The following CTNNA3 variants were observed in gnomAD, a reference collection of about 807,000 sequenced individuals.
CTNNA3 encodes catenin alpha-3.
In CTNNA3, 76 loss-of-function variants were observed where a neutral mutation model predicts 95.7. The observed-to-expected ratio is 0.79, with a 90% confidence interval of 0.66 to 0.96. CTNNA3 has a LOEUF of 0.96. Ranked by LOEUF, CTNNA3 falls within the 40% of genes least tolerant of loss-of-function variation. CTNNA3 has a pLI of 0.00. For missense variants in CTNNA3, 1,191 were observed against 1,089.8 expected (o/e 1.09, Z -1.31); for synonymous variants, 431 against 374.4 (o/e 1.15, Z -1.74).
chr10:67,154,269 T>C (rs1159120297), intron 7 of CTNNA3, among the ~76,000 whole-genome samples: 1 of 152,180 alleles, frequency 6.6e-6, no homozygotes, highest in Non-Finnish European at 1.5e-5. Flanking sequence ...TTACTTTTCA[T>C]CTTAAAATAT....
chr10:66,463,913 G>A lies in CTNNA3; in HGVS notation c.1531+56704C>T, dbSNP rs1016156596. ...TTTTTTTTTTTTTTTACAAATAAGCGTAAGAAAGAAACAAGTTTCAAAGAC... is the reference window on the plus strand; with the variant it reads ...TTTTTTTTTTTTTTTACAAATAAGCATAAGAAAGAAACAAGTTTCAAAGAC... On this transcript the variant is annotated intron_variant, in intron 11 of 17. Transcript: ENST00000433211. 6.7e-5 allele frequency among the ~76,000 whole-genome samples: 10 copies of A among 149,954 alleles called. 1 individual carries two copies. The highest frequency in any genetic ancestry group is 1.3e-4 in the Non-Finnish European group (9 of 67,768).
At chr10:67,388,766 A>G (rs1457663685) in intron 5 of CTNNA3, among the ~76,000 whole-genome samples, 2 of 152,146 alleles carry the variant, frequency 1.3e-5, no homozygotes, top group African/African-American at 4.8e-5. Context: ...CAACATTCTT[A>G]AAGAAAAGAA....
At chr10:66,039,850 C>T (rs10996843) in intron 15 of CTNNA3, among the ~76,000 whole-genome samples, 38,170 of 151,936 alleles carry the variant, frequency 0.25, 4,914 homozygotes, top group South Asian at 0.32. Context: ...ACATCAAAAG[C>T]AATTGCGACA....
chr10:66,688,697 C>G (rs1405333270), intron 9 of CTNNA3, among the ~76,000 whole-genome samples: 1 of 152,024 alleles, frequency 6.6e-6, no homozygotes. Context: ...ACCGGCCGGG[C>G]GCGGTGGCTC....
chr10:67,332,910 C>T (rs536761881), intron 5 of CTNNA3, among the ~76,000 whole-genome samples: 1 of 152,210 alleles, frequency 6.6e-6, no homozygotes, highest in African/African-American at 2.4e-5. Flanking sequence ...CCCCTGCATT[C>T]TTTATATGAC....
chr10:66,095,536 T>A (rs2081357583), intron 14 of CTNNA3, among the ~76,000 whole-genome samples: 2 of 152,100 alleles, frequency 1.3e-5, no homozygotes, highest in African/African-American at 4.8e-5. Context: ...TGAGAGTATA[T>A]ACTGATAATA....
chr10:66,780,878 T>C (rs1306245501), intron 7 of CTNNA3, among the ~76,000 whole-genome samples: 1 of 152,192 alleles, frequency 6.6e-6, no homozygotes, highest in Non-Finnish European at 1.5e-5. Flanking sequence ...CTAAATTGTT[T>C]CTATATTCCT....
At chr10:67,101,286 T>C (rs561550961) in intron 7 of CTNNA3, among the ~76,000 whole-genome samples, 74 of 151,816 alleles carry the variant, frequency 4.9e-4, no homozygotes, top group Non-Finnish European at 6.9e-4. Context: ...AGATCCATAG[T>C]ACAGGGTTGA....
intron 5 of CTNNA3, among the ~76,000 whole-genome samples, chr10:67,317,729 C>T (rs895243930): frequency 2.6e-5 from 4 of 151,934 alleles, no homozygotes; most frequent in South Asian, 2.1e-4. Flanking sequence ...TGGCCATCAT[C>T]GGGGGTTTTA....
At position 66,257,136 on chromosome 10, in the gene CTNNA3, A is replaced by T. The variant is rs569277797; in HGVS notation, c.1884+23334T>A. Among the ~76,000 whole-genome samples the T allele has an allele frequency of 3.9e-5, 6 of 152,278 alleles. No homozygotes were observed. The South Asian group carries it at 1.0e-3, about 26-fold the overall frequency. On this transcript the variant is annotated intron_variant, in intron 13 of 17. Coordinates refer to ENST00000433211, the MANE Select transcript of CTNNA3 (RefSeq NM_013266.4). ...TCCTGGATTATAATCAAGCCTCTGAAATTCATCCTCTAGATGACTGATGGG... is the reference window on the plus strand; with the variant it reads ...TCCTGGATTATAATCAAGCCTCTGATATTCATCCTCTAGATGACTGATGGG...
intron 13 of CTNNA3, among the ~76,000 whole-genome samples, chr10:66,195,923 T>C (rs2086933926): frequency 6.6e-6 from 1 of 152,162 alleles, no homozygotes; most frequent in Admixed American, 6.6e-5. Context: ...CTGCCATTTG[T>C]GTGTAAAAAT....
In CTNNA3 at chr10:67,602,234, T is replaced by A. The variant is rs10997750; in HGVS notation, c.292+4623A>T. On this transcript the variant is annotated intron_variant, in intron 3 of 17. Transcript: ENST00000433211. ...AAAGCAGGAAACTACTTAAAATATGTTTCAAGTATTTTGTAGAGTTTATTG... is the reference window on the plus strand; with the variant it reads ...AAAGCAGGAAACTACTTAAAATATGATTCAAGTATTTTGTAGAGTTTATTG... Among the ~76,000 whole-genome samples, 636 of 152,088 alleles carry A rather than the reference T, an allele frequency of 4.2e-3. 3 individuals carry two copies. The highest frequency in any genetic ancestry group is 0.015 in the African/African-American group (610 of 41,504).
At chr10:66,682,856 C>A (rs1034257698) in intron 9 of CTNNA3, among the ~76,000 whole-genome samples, 9 of 152,080 alleles carry the variant, frequency 5.9e-5, no homozygotes, top group African/African-American at 1.7e-4. Flanking sequence ...TGAGGGCCAA[C>A]AAGCATTTGC....
At chr10:66,694,785 G>T (rs764511664) in intron 9 of CTNNA3, among the ~76,000 whole-genome samples, 1 of 152,154 alleles carries the variant, frequency 6.6e-6, no homozygotes, top group Non-Finnish European at 1.5e-5. Context: ...CACAATGGCA[G>T]CTGAGAACAA....
chr10:66,863,394 G>GGAGA (rs1369751026), intron 7 of CTNNA3, among the ~76,000 whole-genome samples: 1 of 151,976 alleles, frequency 6.6e-6, no homozygotes, highest in African/African-American at 2.4e-5. Context: ...ATAAAATCAG[G>GGAGA]GAGAGTAGCT....
At chr10:66,086,740 C>T (rs1286778765) in intron 14 of CTNNA3, among the ~76,000 whole-genome samples, 1 of 151,930 alleles carries the variant, frequency 6.6e-6, no homozygotes, top group East Asian at 1.9e-4. Flanking sequence ...TTGATTTTAC[C>T]TCTCCCCGAC....
At chr10:67,068,327 G>C (rs1856218926) in intron 7 of CTNNA3, among the ~76,000 whole-genome samples, 1 of 152,088 alleles carries the variant, frequency 6.6e-6, no homozygotes, top group South Asian at 2.1e-4. Flanking sequence ...TTCAGGTAAA[G>C]GGAATAATAA....
chr10:66,839,355 T>C (rs564761956), intron 7 of CTNNA3, among the ~76,000 whole-genome samples: 119 of 152,172 alleles, frequency 7.8e-4, no homozygotes, highest in Non-Finnish European at 1.5e-3. Flanking sequence ...GATCATAACC[T>C]AGAAAATGAA....
chr10:66,825,079 C>A (rs2132302438), intron 7 of CTNNA3, among the ~76,000 whole-genome samples: 1 of 151,214 alleles, frequency 6.6e-6, no homozygotes, highest in Non-Finnish European at 1.5e-5. Context: ...AAATTACACA[C>A]ACACTCACAC....
Sources: gnomAD v4.1 joint callset for allele counts (sites outside exome capture counted in the v4.1 genomes callset) on GRCh38, gnomAD v4.1.1 for gene constraint, MANE v1.5 for transcripts, NCBI Gene and HGNC (gene_info 2026-07-23, HGNC 2026-07-21) for gene names.